Variants in CNBD2 observed in about 807,000 individuals in gnomAD.
CNBD2 encodes the protein cyclic nucleotide-binding domain-containing protein 2.
Under a neutral mutation model 63.7 loss-of-function variants are expected in CNBD2, and 64 were observed. That is an observed-to-expected ratio of 1.00 (90% CI 0.82 to 1.24). The LOEUF (loss-of-function observed/expected upper bound fraction) is 1.24, where lower values mean the gene tolerates loss of function less well. CNBD2 is among the 50% of genes most tolerant of loss of function. The pLI, the probability that CNBD2 is intolerant of heterozygous loss-of-function variation, is 0.00. For missense variants in CNBD2, 691 were observed against 713.5 expected (o/e 0.97, Z 0.36); for synonymous variants, 229 against 255.4 (o/e 0.90, Z 0.99).
In CNBD2 at chr20:36,001,573, G is replaced by A. The variant is rs1338254418; in HGVS notation, c.970+6421G>A. The stretch of plus-strand genomic sequence containing the variant: ...TCACTTCCCAGACGGGGTGGCTGCC[G>A]GGCGGAGGGGCTCCTCACTTCTCAG... On this transcript the variant is annotated intron_variant, in intron 8 of 11. Coordinates refer to ENST00000373973, the MANE Select transcript of CNBD2 (RefSeq NM_001365709.1). 1.2e-3 allele frequency among the ~76,000 whole-genome samples: 175 copies of A among 150,330 alleles called. 1 individual carries two copies. The highest frequency in any genetic ancestry group is 4.0e-3 in the African/African-American group (162 of 40,798).
At chr20:35,976,833 T>A (rs1461656483) in intron 3 of CNBD2, among the ~76,000 whole-genome samples, 1 of 152,224 alleles carries the variant, frequency 6.6e-6, no homozygotes, top group African/African-American at 2.4e-5. Flanking sequence ...AGTAGCCACG[T>A]TGTTGTTTTT....
intron 9 of CNBD2, among the ~76,000 whole-genome samples, chr20:36,009,925 A>T (rs749138912): frequency 5.9e-5 from 9 of 152,198 alleles, no homozygotes; most frequent in Non-Finnish European, 1.2e-4. Context: ...AATCATTCCC[A>T]TTTTTCAGGT....
chr20:35,997,297 T>C (rs1375854719), intron 8 of CNBD2, among the ~76,000 whole-genome samples: 2 of 152,176 alleles, frequency 1.3e-5, no homozygotes, highest in Non-Finnish European at 2.9e-5. Context: ...TCCCCAAGGA[T>C]TGCCTTATAG....
chr20:35,965,268 C>G (rs1459631719), upstream of CNBD2, among the ~76,000 whole-genome samples: 1 of 150,952 alleles, frequency 6.6e-6, no homozygotes, highest in Non-Finnish European at 1.5e-5. Flanking sequence ...ACCTGCGCCT[C>G]CCAGGCTCAG....
intron 8 of CNBD2, among the ~76,000 whole-genome samples, chr20:36,005,558 G>A (rs2056972435): frequency 6.6e-6 from 1 of 152,150 alleles, no homozygotes; most frequent in African/African-American, 2.4e-5. Flanking sequence ...GGTAGATGTT[G>A]TTGAAGTGCC....
chr20:36,022,445 G>A (rs1040331309), intron 10 of CNBD2, among the ~76,000 whole-genome samples: 2 of 151,676 alleles, frequency 1.3e-5, no homozygotes, highest in Admixed American at 6.6e-5. Flanking sequence ...TGATCCACCC[G>A]CCTCAGCCTC....
At chr20:36,014,212 AT>A (rs2057103992) in intron 10 of CNBD2, among the ~76,000 whole-genome samples, 1 of 151,286 alleles carries the variant, frequency 6.6e-6, no homozygotes, top group Non-Finnish European at 1.5e-5. Context: ...ATGTATAGGT[AT>A]GGGTGGAAAC....
At chr20:36,020,088 T>A (rs751861161) in intron 10 of CNBD2, among the ~76,000 whole-genome samples, 3 of 144,800 alleles carry the variant, frequency 2.1e-5, no homozygotes, top group Non-Finnish European at 4.5e-5. Context: ...TTTCTTTTTC[T>A]TTTTTTTTTC....
intron 2 of CNBD2, among the ~76,000 whole-genome samples, chr20:35,962,257 C>CTTTTT (rs917656604): frequency 1.5e-5 from 2 of 131,542 alleles, no homozygotes; most frequent in African/African-American, 2.8e-5. Context: ...TCCCTGCAGT[C>CTTTTT]TTTTTTTTTT....
chr20:36,022,184 CT>C (rs1162525076), intron 10 of CNBD2, among the ~76,000 whole-genome samples: 6 of 87,614 alleles, frequency 6.8e-5, no homozygotes, highest in South Asian at 4.2e-4. Context: ...CCGGCTAATT[CT>C]TTTTTTTTTC....
In CNBD2 at chr20:36,009,393, G is replaced by A. The variant is rs191288526; in HGVS notation, c.1148+919G>A. Among the ~76,000 whole-genome samples, 502 of 151,828 alleles carry A rather than the reference G, an allele frequency of 3.3e-3. 4 individuals carry two copies. Among genetic ancestry groups the A allele is most frequent in the Middle Eastern group, 0.024 (7 of 294 alleles). On this transcript the variant is annotated intron_variant, in intron 9 of 11. Transcript: ENST00000373973. ...ATTTTTTTGTATTTTTAGTAGAGAC[G>A]AGGTTTCACCGTATTAGCCAGGATG...
chr20:35,988,314 G>A (rs979713492), intron 7 of CNBD2, among the ~76,000 whole-genome samples: 2 of 151,892 alleles, frequency 1.3e-5, no homozygotes, highest in African/African-American at 4.8e-5. Flanking sequence ...CTATAGGTAT[G>A]TGCCACCATG....
chr20:35,982,468 G>T (rs2056610968), intron 4 of CNBD2, among the ~76,000 whole-genome samples: 1 of 152,162 alleles, frequency 6.6e-6, no homozygotes, highest in South Asian at 2.1e-4. Context: ...AATGTGCCGT[G>T]CTTTGGGCCA....
chr20:35,958,535 A>G (rs1466243382), downstream of CNBD2, among the ~76,000 whole-genome samples: 3 of 152,334 alleles, frequency 2.0e-5, no homozygotes, highest in East Asian at 5.8e-4. Context: ...GTTTTCCCTA[A>G]TGGTAACATC....
intron 2 of CNBD2, among the ~76,000 whole-genome samples, chr20:35,962,002 G>A (rs2056312098): frequency 6.6e-6 from 1 of 152,142 alleles, no homozygotes; most frequent in Non-Finnish European, 1.5e-5. Context: ...TGCCCTCAAG[G>A]TGTAGCCCGC....
At chr20:35,965,950 G>A (rs58175634), upstream of CNBD2, among the ~76,000 whole-genome samples, 1 of 152,036 alleles carries the variant, frequency 6.6e-6, no homozygotes, top group East Asian at 1.9e-4. Context: ...GGTCGTACTG[G>A]CATCATCTGA....
downstream of CNBD2, among the ~76,000 whole-genome samples, chr20:35,957,266 T>C (rs1296172867): frequency 2.0e-5 from 3 of 152,012 alleles, no homozygotes; most frequent in Non-Finnish European, 4.4e-5. Flanking sequence ...AAAAAAATAA[T>C]GTGGAGGGAA....
chr20:35,970,119 C>T (rs1352337578), intron 1 of CNBD2, among the ~76,000 whole-genome samples: 1 of 152,124 alleles, frequency 6.6e-6, no homozygotes, highest in Non-Finnish European at 1.5e-5. Flanking sequence ...GTGAAACCCC[C>T]TCTTTACAAA....
chr20:35,975,982 A>G lies in CNBD2; in HGVS notation c.223A>G (p.Met75Val). Reference protein sequence around the residue: ...KMQSRVTFDTMDFIAEEGHFP... With the variant: ...KMQSRVTFDTVDFIAEEGHFP... ...GCAAAGCCGAGTCACATTTGATACC[A>G]TGGACTTCATTGCAGAGGAGGTATG... The change falls in exon 3 of 12, where the codon ATG becomes GTG. Residue 75 changes from methionine to valine, a missense_variant. By Grantham distance (21) the Met-to-Val change is conservative. Transcript: ENST00000373973. 6.2e-7 allele frequency: 1 copy of G among 1,613,058 alleles called. No individual in the cohort carries two copies. The highest frequency in any genetic ancestry group is 8.5e-7 in the Non-Finnish European group (1 of 1,179,186).
Sources: gnomAD v4.1 joint callset for allele counts (sites outside exome capture counted in the v4.1 genomes callset) on GRCh38, gnomAD v4.1.1 for gene constraint, MANE v1.5 for transcripts, NCBI Gene and HGNC (gene_info 2026-07-23, HGNC 2026-07-21) for gene names.